CAB39: variants seen among roughly 807,000 people sequenced by gnomAD.
CAB39 encodes calcium-binding protein 39.
CAB39 carries 8 observed loss-of-function variants against 40.0 expected under a neutral mutation model. That is an observed-to-expected ratio of 0.20 (90% CI 0.12 to 0.36). CAB39 has a LOEUF of 0.36. CAB39 is among the 10% of genes least tolerant of loss of function. The pLI is 1.00. For synonymous variants in CAB39, 156 were observed against 141.6 expected (o/e 1.10, Z -0.72); for missense variants, 270 against 401.1 (o/e 0.67, Z 2.79).
At chr2:230,735,608 G>C (rs1444249398) in intron 1 of CAB39, among the ~76,000 whole-genome samples, 1 of 152,156 alleles carries the variant, frequency 6.6e-6, no homozygotes, top group African/African-American at 2.4e-5. Flanking sequence ...TGACCTCACT[G>C]GCTCAAGCAG....
At chr2:230,773,304 A>G (rs1273790222) in intron 2 of CAB39, among the ~76,000 whole-genome samples, 1 of 95,108 alleles carries the variant, frequency 1.1e-5, no homozygotes, top group African/African-American at 4.6e-5. Context: ...ATGTGTATAT[A>G]TATATATATA....
At chr2:230,727,338 T>C (rs1694598610) in intron 1 of CAB39, among the ~76,000 whole-genome samples, 1 of 149,640 alleles carries the variant, frequency 6.7e-6, no homozygotes, top group Non-Finnish European at 1.5e-5. Flanking sequence ...ATTTAAGAAG[T>C]AGAGCACTTG....
intron 5 of CAB39, among the ~76,000 whole-genome samples, chr2:230,807,415 C>G (rs570154123): frequency 1.4e-4 from 21 of 150,144 alleles, no homozygotes; most frequent in African/African-American, 5.2e-4. Context: ...TTTACCCCCC[C>G]AACCCCCCAC....
At chr2:230,739,858 A>G (rs1272779295) in intron 1 of CAB39, among the ~76,000 whole-genome samples, 1 of 152,228 alleles carries the variant, frequency 6.6e-6, no homozygotes, top group African/African-American at 2.4e-5. Flanking sequence ...GAAGTTCAGC[A>G]TTGTGAATAT....
At chr2:230,769,154 G>A (rs1461850771) in intron 2 of CAB39, among the ~76,000 whole-genome samples, 1 of 152,088 alleles carries the variant, frequency 6.6e-6, no homozygotes, top group Non-Finnish European at 1.5e-5. Context: ...TATTACCAAG[G>A]GTAAAGAAAG....
chr2:230,751,263 G>C (rs906960037), intron 1 of CAB39, among the ~76,000 whole-genome samples: 4 of 152,182 alleles, frequency 2.6e-5, no homozygotes, highest in African/African-American at 7.2e-5. Flanking sequence ...GTAGAGTCTT[G>C]TGAGCTCAGC....
At chr2:230,798,967 G>T in intron 5 of CAB39, 70 bp downstream of exon 5, 1 of 1,227,768 alleles carries the variant, frequency 8.1e-7, no homozygotes, top group East Asian at 2.5e-5. Context: ...AACCTTCATT[G>T]CCCTCCTAAA....
intron 4 of CAB39, among the ~76,000 whole-genome samples, chr2:230,795,802 T>C (rs1168370289): frequency 6.6e-6 from 1 of 152,232 alleles, no homozygotes; most frequent in African/African-American, 2.4e-5. Flanking sequence ...CTTGATGACT[T>C]AGTTATCCCA....
At chr2:230,790,303 A>G (rs185860164) in intron 2 of CAB39, among the ~76,000 whole-genome samples, 1 of 152,244 alleles carries the variant, frequency 6.6e-6, no homozygotes, top group African/African-American at 2.4e-5. Context: ...TCATGGGGAA[A>G]GGTAAATCTG....
At chr2:230,811,988 T>C (rs1025657940) in intron 6 of CAB39, among the ~76,000 whole-genome samples, 3 of 152,210 alleles carry the variant, frequency 2.0e-5, no homozygotes, top group African/African-American at 2.4e-5. Context: ...TCAGATCTTA[T>C]AGAGGGAGAA....
intron 1 of CAB39, among the ~76,000 whole-genome samples, chr2:230,741,129 C>CT (rs1475930284): frequency 6.6e-6 from 1 of 152,198 alleles, no homozygotes; most frequent in African/African-American, 2.4e-5. Context: ...TTATCTCCCT[C>CT]TGACAAAACC....
At position 230,818,768 on chromosome 2, in the gene CAB39, C is replaced by A; in HGVS notation, c.*64C>A. The A allele has an allele frequency of 7.9e-7, 1 of 1,266,006 alleles. No homozygotes were observed. The highest frequency in any genetic ancestry group is 1.1e-6 in the Non-Finnish European group (1 of 883,436). 78.4% of individuals were successfully genotyped at this position (1,266,006 alleles called of 1,614,324 possible). A position where few individuals can be genotyped will look rare whatever the true frequency, so the allele number is the denominator to read the frequency against. ...TTGCTGTTAGCTATTCAGCATCAGG[C>A]ACTCTTATTGATTCATGAGGAACAT... On this transcript the variant is annotated 3_prime_UTR_variant, in exon 9 of 9. Coordinates refer to ENST00000258418, the MANE Select transcript of CAB39 (RefSeq NM_016289.4).
Position 230,790,946 on chromosome 2 carries a change from G to C in CAB39, c.189G>C (p.Gln63His), listed in dbSNP as rs1231578064. 1 of 1,613,522 alleles carries C rather than the reference G, an allele frequency of 6.2e-7. No homozygotes were observed. Among genetic ancestry groups the C allele is most frequent in the Admixed American group, 1.7e-5 (1 of 59,990 alleles). Reference sequence around the variant, plus strand: ...ATGGCACAAATGAAAAAGAGCCTCAGACAGAAGCAGTAGCTCAACTTGCTC... The same window carrying C: ...ATGGCACAAATGAAAAAGAGCCTCACACAGAAGCAGTAGCTCAACTTGCTC... ...ILYGTNEKEP[Q>H]TEAVAQLAQE... Residue 63 changes from glutamine to histidine, a missense_variant, in exon 3 of 9, where the codon CAG becomes CAC. Transcript: ENST00000258418.
intron 2 of CAB39, among the ~76,000 whole-genome samples, chr2:230,768,855 C>T (rs1695434401): frequency 6.6e-6 from 1 of 152,070 alleles, no homozygotes; most frequent in Non-Finnish European, 1.5e-5. Context: ...AATTAAATAA[C>T]AGATGTGGTA....
chr2:230,784,869 C>T (rs762306321), intron 2 of CAB39, among the ~76,000 whole-genome samples: 11 of 152,170 alleles, frequency 7.2e-5, no homozygotes, highest in Non-Finnish European at 1.0e-4. Flanking sequence ...TATAACCTGA[C>T]GTGTTTACCC....
At chr2:230,744,106 A>G (rs1694930973) in intron 1 of CAB39, among the ~76,000 whole-genome samples, 3 of 151,878 alleles carry the variant, frequency 2.0e-5, no homozygotes, top group Admixed American at 2.0e-4. Context: ...TTTTTAGTAG[A>G]AACGGGTTCA....
At chr2:230,721,358 G>A (rs1338128389) in intron 1 of CAB39, among the ~76,000 whole-genome samples, 1 of 152,190 alleles carries the variant, frequency 6.6e-6, no homozygotes, top group Admixed American at 6.5e-5. Flanking sequence ...TTGAGCCCTG[G>A]GGGTGGAGGT....
chr2:230,745,268 A>T (rs1364475295), intron 1 of CAB39, among the ~76,000 whole-genome samples: 1 of 152,276 alleles, frequency 6.6e-6, no homozygotes, highest in Non-Finnish European at 1.5e-5. Flanking sequence ...TGTTCCGCTA[A>T]CAATGGTCTA....
In CAB39 at chr2:230,805,557, T is replaced by C. The variant is rs140513675; in HGVS notation, c.568-4706T>C. Among the ~76,000 whole-genome samples the C allele has an allele frequency of 4.6e-5, 7 of 152,320 alleles. No homozygotes were observed. The East Asian group carries it at 1.2e-3, about 25-fold the overall frequency. The stretch of plus-strand genomic sequence containing the variant: ...CATGGCTGCCTAGGTTCACACCAGC[T>C]CTGCTGCTGATCTCACCTCCAATCT... On this transcript the variant is annotated intron_variant, in intron 5 of 8. Transcript: ENST00000258418.
Sources: allele counts gnomAD v4.1 joint callset (sites outside exome capture counted in the v4.1 genomes callset), GRCh38; gene constraint gnomAD v4.1.1; transcripts MANE v1.5; gene names NCBI Gene and HGNC (gene_info 2026-07-23, HGNC 2026-07-21).